Variants in SPTBN2 observed in about 807,000 individuals in gnomAD.
SPTBN2 encodes the protein spectrin beta, non-erythrocytic 2.
A neutral mutation model predicts 284.2 loss-of-function variants in SPTBN2; 107 were observed. The observed-to-expected ratio is 0.38, with a 90% CI of 0.32 to 0.44. The LOEUF (loss-of-function observed/expected upper bound fraction) is 0.44, where lower values mean the gene tolerates loss of function less well. SPTBN2 is among the 20% of genes least tolerant of loss of function. The pLI, the probability that SPTBN2 is intolerant of heterozygous loss-of-function variation, is 1.00. For synonymous variants in SPTBN2, 1,289 were observed against 1,354.8 expected, an observed-to-expected ratio of 0.95 and a Z score of 1.07; for missense variants, 2,569 against 3,287.1, an observed-to-expected ratio of 0.78 and a Z score of 5.34.
At position 66,693,420 on chromosome 11, in the gene SPTBN2, A is replaced by G. The variant is rs772520856; in HGVS notation, c.4620T>C (p.His1540=). ...CCCTCAGGTCCGCGATCCGGGGCTC[A>G]TGGCCCTGAATCTCTTTCTGCAGGG... ...NQTLQKEIQG[H]EPRIADLRER... The change falls in exon 24 of 38, where the codon CAT becomes CAC. Residue 1540 remains histidine (H), a synonymous_variant. Transcript: ENST00000533211. The surrounding 1 kb of genome is among the most constrained non-coding windows in gnomAD (Gnocchi z 5.7). 7 of 1,599,548 alleles carry G rather than the reference A, an allele frequency of 4.4e-6. No homozygotes were observed. Among genetic ancestry groups the G allele is most frequent in the African/African-American group, 1.3e-5 (1 of 74,934 alleles).
In SPTBN2 at chr11:66,713,697, T is replaced by G; in HGVS notation, c.706A>C (p.Asn236His). ...ESLKKCNAHY[N>H]LQNAFNLAEK... ...GCCAGATTGAATGCATTCTGCAGAT[T>G]ATAGTGTGCATTACACTTCTTCAGA... Residue 236 changes from asparagine to histidine, a missense_variant, in exon 8 of 38, where the codon AAT becomes CAT. This residue lies in a region of SPTBN2 where 304 missense variants were observed against 522.1 expected (regional missense o/e 0.58). Coordinates refer to ENST00000533211, the MANE Select transcript of SPTBN2 (RefSeq NM_006946.4). 6.2e-7 allele frequency: 1 copy of G among 1,614,176 alleles called. No homozygotes were observed. The highest frequency in any genetic ancestry group is 1.1e-5 in the South Asian group (1 of 91,078).
intron 1 of SPTBN2, among the ~76,000 whole-genome samples, chr11:66,725,795 C>T (rs930799260): frequency 1.3e-5 from 2 of 152,180 alleles, no homozygotes; most frequent in African/African-American, 2.4e-5. Flanking sequence ...CTAGGCTCAC[C>T]GTGCCGATCC....
rs975820450 is a variant in SPTBN2, at chr11:66,691,950, A to C, written c.5191-292T>G. On this transcript the variant is annotated intron_variant, in intron 26 of 37. Coordinates refer to ENST00000533211, the MANE Select transcript of SPTBN2 (RefSeq NM_006946.4). This position sits in a 1 kb window ranked among gnomAD's most constrained non-coding sequence, Gnocchi z 8.0. ...CATATTTCTGTACGACTGAGGGTCC[A>C]AGCCCCCAAACTGTCGGGGGGGTGG... is the stretch of plus-strand genomic sequence containing the variant. Among the ~76,000 whole-genome samples the C allele has an allele frequency of 2.0e-5, 3 of 152,194 alleles. No homozygotes were observed. The highest frequency in any genetic ancestry group is 4.4e-5 in the Non-Finnish European group (3 of 68,040).
chr11:66,691,669 A>G lies in SPTBN2; in HGVS notation c.5191-11T>C. 6.2e-7 allele frequency: 1 copy of G among 1,613,352 alleles called. No individual in the cohort carries two copies. Among genetic ancestry groups the G allele is most frequent in the Non-Finnish European group, 8.5e-7 (1 of 1,180,018 alleles). On this transcript the variant is annotated splice_polypyrimidine_tract_variant and intron_variant, in intron 26 of 37. Transcript: ENST00000533211. The surrounding 1 kb of genome is among the most constrained non-coding windows in gnomAD (Gnocchi z 8.0). ...TTTGTCTCGGAGCATCTGGTAGAGGAAGCAGATGGACAGACCATGCCGTGA... is the reference window on the plus strand; with the variant it reads ...TTTGTCTCGGAGCATCTGGTAGAGGGAGCAGATGGACAGACCATGCCGTGA...
intron 1 of SPTBN2, among the ~76,000 whole-genome samples, chr11:66,743,668 C>T (rs1942921525): frequency 6.6e-6 from 1 of 152,180 alleles, no homozygotes; most frequent in Admixed American, 6.6e-5. Context: ...TTGGAAAACC[C>T]CAGAGCTTCT....
Position 66,707,199 on chromosome 11 carries a change from G to A in SPTBN2, c.1653+317C>T, listed in dbSNP as rs767166542. ...TGGCTCCTGGCACTATTCTGGTCTC[G>A]GCTTAAATGGTATTTTCTCAGAGGC... On this transcript the variant is annotated intron_variant, in intron 13 of 37. Coordinates refer to ENST00000533211, the MANE Select transcript of SPTBN2 (RefSeq NM_006946.4). This position sits in a 1 kb window ranked among gnomAD's most constrained non-coding sequence, Gnocchi z 4.9. 4.6e-5 allele frequency among the ~76,000 whole-genome samples: 7 copies of A among 152,232 alleles called. No individual in the cohort carries two copies. Among genetic ancestry groups the A allele is most frequent in the East Asian group, 1.9e-4 (1 of 5,204 alleles).
At chr11:66,699,366 C>A (rs1941114827) in intron 18 of SPTBN2, 40 bp downstream of exon 18, 2 of 1,607,148 alleles carry the variant, frequency 1.2e-6, no homozygotes, top group Admixed American at 3.4e-5. Context: ...TCTCCGATTC[C>A]CCCCTGGGAA....
intron 3 of SPTBN2, among the ~76,000 whole-genome samples, chr11:66,719,290 C>T (rs114586968): frequency 0.011 from 1,681 of 152,388 alleles, 40 homozygotes; most frequent in African/African-American, 0.038. Flanking sequence ...TCCCTGCCCT[C>T]TGGCCCACCA....
chr11:66,689,693 G>A lies in SPTBN2; in HGVS notation c.5949+112C>T, dbSNP rs1940402328. 7 of 1,509,710 alleles carry A rather than the reference G, an allele frequency of 4.6e-6. No homozygotes were observed. In the Admixed American group the frequency reaches 6.7e-5, roughly 14 times the overall value. The allele number at this position is 1,509,710 out of a possible 1,614,324, so 93.5% of individuals were successfully genotyped here. ...AAACCCGTGAATGGCACTGAGGGGA[G>A]AGAATGAAAGGTTTCTTGCAAAGAG... On this transcript the variant is annotated intron_variant, in intron 29 of 37. Transcript: ENST00000533211.
chr11:66,690,498 G>A (rs1013938810), intron 27 of SPTBN2: 1 of 633,392 alleles, frequency 1.6e-6, no homozygotes, highest in Non-Finnish European at 2.7e-6. Flanking sequence ...TTAACTGGGG[G>A]AGGATCTGGA....
chr11:66,720,453 G>A (rs930610112), intron 3 of SPTBN2, among the ~76,000 whole-genome samples: 5 of 152,324 alleles, frequency 3.3e-5, no homozygotes, highest in South Asian at 2.1e-4. Context: ...CAGGGAGGCC[G>A]TTGGACGAGT....
intron 1 of SPTBN2, among the ~76,000 whole-genome samples, chr11:66,726,461 A>T (rs936456520): frequency 9.2e-5 from 14 of 152,180 alleles, no homozygotes; most frequent in Admixed American, 4.6e-4. Flanking sequence ...CCACACTTTG[A>T]GGGCCACCCT....
intron 8 of SPTBN2, among the ~76,000 whole-genome samples, chr11:66,711,749 C>T (rs1208593166): frequency 6.6e-6 from 1 of 152,244 alleles, no homozygotes; most frequent in African/African-American, 2.4e-5. Context: ...GCAGGAGCCA[C>T]TGAAGTCATC....
At chr11:66,727,132 T>C (rs1205203789) in intron 1 of SPTBN2, among the ~76,000 whole-genome samples, 2 of 152,162 alleles carry the variant, frequency 1.3e-5, no homozygotes, top group African/African-American at 4.8e-5. Context: ...TCACATCAAT[T>C]TCTCTAAGGG....
rs1050158525 is a variant in SPTBN2, at chr11:66,686,480, C to T, written c.6897-40G>A. 15 of 1,611,598 alleles carry T rather than the reference C, an allele frequency of 9.3e-6. 1 individual carries two copies. The highest frequency in any genetic ancestry group is 6.6e-5 in the South Asian group (6 of 91,020). On this transcript the variant is annotated intron_variant, in intron 36 of 37. Transcript: ENST00000533211. Reference sequence around the variant, plus strand: ...AGGCCACAGGGCAGAGCTGAGAATCCGGATCTGCCAGGTAGCTGCTGGTGA... The same window carrying T: ...AGGCCACAGGGCAGAGCTGAGAATCTGGATCTGCCAGGTAGCTGCTGGTGA...
At chr11:66,723,070 C>T (rs996507653) in intron 1 of SPTBN2, among the ~76,000 whole-genome samples, 6 of 151,846 alleles carry the variant, frequency 4.0e-5, no homozygotes, top group African/African-American at 7.3e-5. Flanking sequence ...TCATCCCAGA[C>T]GGATGAGCAG....
At chr11:66,699,194 A>G (rs1941106006) in intron 18 of SPTBN2, 112 bp from the exon 19 acceptor site, 9 of 1,392,902 alleles carry the variant, frequency 6.5e-6, no homozygotes, top group African/African-American at 1.4e-5. Flanking sequence ...TTCCGGGAGC[A>G]CAATGAGGCT....
In SPTBN2 at chr11:66,699,422, C is replaced by A. The variant is rs750856225; in HGVS notation, c.3760G>T (p.Asp1254Tyr). The A allele has an allele frequency of 4.3e-6, 7 of 1,614,006 alleles. No homozygotes were observed. Among genetic ancestry groups the A allele is most frequent in the South Asian group, 1.1e-5 (1 of 91,076 alleles). The change falls in exon 18 of 38, where the codon GAC becomes TAC. Residue 1254 changes from aspartate to tyrosine, a missense_variant. By Grantham distance (160) the Asp-to-Tyr change is radical. Transcript: ENST00000533211. ...TCATCAGACCTCCTCTCAATGGAGT[C>A]TGCCTTTTCCCGAATCTTGTCGGCG... ...IHADKIREKA[D>Y]SIERRHKKNQ...
Position 66,704,981 on chromosome 11 carries a change from G to A in SPTBN2, c.2295C>T (p.Asp765=), listed in dbSNP as rs140386819. Reference sequence around the variant, plus strand: ...CGGGGCTGGACACCAGGCGCAGTGCGTCAACCAACCAGGCCTCCATGTCGT... The same window carrying A: ...CGGGGCTGGACACCAGGCGCAGTGCATCAACCAACCAGGCCTCCATGTCGT... ...DANDMEAWLV[D]ALRLVSSPEL... is the part of the protein sequence containing the mutation. The change falls in exon 15 of 38, where the codon GAC becomes GAT. Residue 765 remains aspartate, a synonymous_variant. Coordinates refer to ENST00000533211, the MANE Select transcript of SPTBN2 (RefSeq NM_006946.4). 1.5e-5 allele frequency: 24 copies of A among 1,607,216 alleles called. No homozygotes were observed. Among genetic ancestry groups the A allele is most frequent in the East Asian group, 8.9e-5 (4 of 44,890 alleles).
Sources: allele counts gnomAD v4.1 joint callset (sites outside exome capture counted in the v4.1 genomes callset), GRCh38; gene constraint gnomAD v4.1.1; regional missense constraint gnomAD v4.1.1; non-coding constraint Gnocchi (gnomAD v3.1); transcripts MANE v1.5; gene names NCBI Gene and HGNC (gene_info 2026-07-23, HGNC 2026-07-21).